Variants in COL4A4 observed in about 807,000 individuals in gnomAD.
The protein encoded by COL4A4 is collagen alpha-4(IV) chain.
COL4A4 carries 105 observed loss-of-function variants against 192.9 expected under a neutral mutation model. The observed-to-expected ratio is 0.54, with a 90% CI of 0.46 to 0.64. COL4A4 has a LOEUF of 0.64. Among genes scored for constraint, COL4A4 ranks in the 30% least tolerant of loss-of-function variants. The pLI, the probability that COL4A4 is intolerant of heterozygous loss-of-function variation, is 0.00. For synonymous variants in COL4A4, 762 were observed against 769.9 expected (o/e 0.99, Z 0.17); for missense variants, 1,967 against 2,169.3 (o/e 0.91, Z 1.85).
At chr2:227,158,373 T>C (rs906380751) in intron 1 of COL4A4, among the ~76,000 whole-genome samples, 2 of 152,088 alleles carry the variant, frequency 1.3e-5, no homozygotes, top group African/African-American at 4.8e-5. Context: ...GTAACAATAC[T>C]ACACAAGAAG....
chr2:227,059,499 T>C lies in COL4A4; in HGVS notation c.2289A>G (p.Ala763=), dbSNP rs2150274879. 15 of 1,614,028 alleles carry C rather than the reference T, an allele frequency of 9.3e-6. No individual in the cohort carries two copies. In the African/African-American group the frequency reaches 9.3e-5, roughly 10 times the overall value. ...NGQKGIPGDP[A]FGHLGPPGKR... is the part of the protein sequence containing the mutation. ...TTCCCGGGGGTCCCAGGTGACCAAA[T>C]GCAGGGTCTCCCGGGATTCCTTTCT... Residue 763 remains alanine (A), a synonymous_variant, in exon 28 of 48, where the codon GCA becomes GCG. Transcript: ENST00000396625.
At chr2:227,066,573 A>G (rs1415686790) in intron 25 of COL4A4, among the ~76,000 whole-genome samples, 1 of 152,082 alleles carries the variant, frequency 6.6e-6, no homozygotes, top group Non-Finnish European at 1.5e-5. Context: ...AACATTCTCA[A>G]AGAAAAGAAT....
intron 44 of COL4A4, among the ~76,000 whole-genome samples, chr2:227,020,833 G>A (rs988700802): frequency 2.0e-5 from 3 of 150,792 alleles, no homozygotes; most frequent in Non-Finnish European, 2.9e-5. Context: ...ACCCAATGCA[G>A]TGGGGATATG....
At chr2:227,088,846 A>G in intron 21 of COL4A4, 30 bp from the exon 22 acceptor site, 1 of 1,613,186 alleles carries the variant, frequency 6.2e-7, no homozygotes, top group East Asian at 2.2e-5. Flanking sequence ...CAGATTTGTC[A>G]TATTTCCTGA....
At chr2:226,985,445 G>A in the COL4A4 span, among the ~76,000 whole-genome samples, 19 of 152,224 alleles carry the variant, frequency 1.2e-4, no homozygotes, top group Non-Finnish European at 2.5e-4. Flanking sequence ...TTCTGCTTAC[G>A]ATGCGGAATG....
the COL4A4 span, among the ~76,000 whole-genome samples, chr2:226,979,792 A>G: frequency 6.6e-6 from 1 of 152,192 alleles, no homozygotes; most frequent in African/African-American, 2.4e-5. Flanking sequence ...TTCACCAGCC[A>G]TCTAGTCATC....
At chr2:227,028,106 C>A in intron 41 of COL4A4, 97 bp from the exon 42 acceptor site, 1 of 886,986 alleles carries the variant, frequency 1.1e-6, no homozygotes, top group South Asian at 1.5e-5. Context: ...TTCACTCCAA[C>A]AAAATGCAGG....
chr2:227,147,416 G>T lies in COL4A4; in HGVS notation c.68C>A (p.Pro23His), dbSNP rs1284248647. ...CAATCACACTGAGGATACTCACCAG[G>T]GACCTGTGGCCAAGGACTTGGTCAA... ...FRLTKSLATG[P>H]WSLILILFSV... The change falls in exon 2 of 48, where the codon CCC (proline) becomes CAC (histidine). Residue 23 changes from proline to histidine, a missense_variant. By Grantham distance (77) the Pro-to-His change is moderately conservative. Transcript: ENST00000396625. The T allele has an allele frequency of 6.2e-7, 1 of 1,613,352 alleles. No individual in the cohort carries two copies. The highest frequency in any genetic ancestry group is 1.7e-5 in the Admixed American group (1 of 60,008).
At chr2:227,084,165 T>C (rs1354242058) in intron 22 of COL4A4, among the ~76,000 whole-genome samples, 3 of 152,196 alleles carry the variant, frequency 2.0e-5, no homozygotes, top group African/African-American at 7.2e-5. Flanking sequence ...TCTTTTATTC[T>C]TATTTTTACT....
the COL4A4 span, among the ~76,000 whole-genome samples, chr2:226,978,050 C>G: frequency 6.6e-5 from 10 of 152,118 alleles, no homozygotes; most frequent in Non-Finnish European, 1.5e-4. Flanking sequence ...GTGTAGTGTC[C>G]TCACTGGAGC....
At chr2:227,155,091 G>A (rs937354165) in intron 1 of COL4A4, among the ~76,000 whole-genome samples, 5 of 152,206 alleles carry the variant, frequency 3.3e-5, no homozygotes, top group African/African-American at 1.2e-4. Flanking sequence ...GAAGCAGCAA[G>A]GAAAACTGGA....
chr2:227,148,051 A>AT (rs1201944460), intron 1 of COL4A4, among the ~76,000 whole-genome samples: 1 of 152,160 alleles, frequency 6.6e-6, no homozygotes, highest in Non-Finnish European at 1.5e-5. Context: ...ATATAAAAGT[A>AT]TTTTTATGTA....
intron 43 of COL4A4, among the ~76,000 whole-genome samples, chr2:227,023,090 T>C (rs533072657): frequency 3.9e-5 from 6 of 152,238 alleles, no homozygotes; most frequent in African/African-American, 1.2e-4. Flanking sequence ...GAGGGGGCCA[T>C]GTACATCTCT....
Position 227,003,330 on chromosome 2 carries a change from A to G in COL4A4, c.*3995T>C, listed in dbSNP as rs777160176. On this transcript the variant is annotated 3_prime_UTR_variant, in exon 48 of 48. Coordinates refer to ENST00000396625, the MANE Select transcript of COL4A4 (RefSeq NM_000092.5). ...GACAGGTAATCTAACTTAATTTTCA[A>G]TGCAAGAGTAGCTGTTATGTCCCAC... The G allele has an allele frequency of 1.3e-5, 2 of 152,212 alleles. No homozygotes were observed. The highest frequency in any genetic ancestry group is 6.5e-5 in the Admixed American group (1 of 15,284). The allele number at this position is 152,212 out of a possible 1,614,324, so 9.4% of individuals were successfully genotyped here.
chr2:227,041,805 GAA>G (rs1971120254), intron 37 of COL4A4, among the ~76,000 whole-genome samples: 45 of 39,342 alleles, frequency 1.1e-3, no homozygotes, highest in Admixed American at 3.0e-3. Flanking sequence ...AGAAAGAAAG[GAA>G]GAAAGAAAGA....
Position 227,098,752 on chromosome 2 carries a change from C to A in COL4A4, c.1146G>T (p.Gly382=). Residue 382 remains glycine (G), a synonymous_variant, in exon 19 of 48, where the codon GGG becomes GGT. Coordinates refer to ENST00000396625, the MANE Select transcript of COL4A4 (RefSeq NM_000092.5). ...PGFPGRYGET[G]DVGPPGPPGL... ...CTGGGGGACCAGGTGGTCCAACATC[C>A]CCTGTTTCTCCATAGCGGCCAGGGA... 6.2e-7 allele frequency: 1 copy of A among 1,614,098 alleles called. No individual in the cohort carries two copies. Among genetic ancestry groups the A allele is most frequent in the Non-Finnish European group, 8.5e-7 (1 of 1,179,988 alleles).
At position 227,116,350 on chromosome 2, in the gene COL4A4, T is replaced by A. The variant is rs2061493308; in HGVS notation, c.490-1654A>T. 2.0e-5 allele frequency among the ~76,000 whole-genome samples: 3 copies of A among 152,182 alleles called. No individual in the cohort carries two copies. In the South Asian group the frequency reaches 6.2e-4, roughly 32 times the overall value. On this transcript the variant is annotated intron_variant, in intron 7 of 47. Transcript: ENST00000396625. Reference sequence around the variant, plus strand: ...TTAAGATCAGAAGGATCCATTTCTATGTTGATCCAAAGAACATCTCTGGGA... The same window carrying A: ...TTAAGATCAGAAGGATCCATTTCTAAGTTGATCCAAAGAACATCTCTGGGA...
At chr2:227,065,055 C>T (rs1446190769) in intron 25 of COL4A4, among the ~76,000 whole-genome samples, 1 of 152,156 alleles carries the variant, frequency 6.6e-6, no homozygotes, top group African/African-American at 2.4e-5. Context: ...CGAAGCAGGG[C>T]GAGGCATTGC....
chr2:227,055,964 A>T lies in COL4A4; in HGVS notation c.2697T>A (p.Pro899=). Residue 899 remains proline, a synonymous_variant, in exon 30 of 48, where the codon CCT becomes CCA. Transcript: ENST00000396625. The stretch of plus-strand genomic sequence containing the variant: ...ACCTACCCTTTGGACCTGGAGGACC[A>T]GGTAGCCCATCATCTCCAAAGGGAC... ...IPGPFGDDGL[P]GPPGPKGPRG... is the part of the protein sequence containing the mutation. The T allele has an allele frequency of 6.2e-7, 1 of 1,614,058 alleles. No homozygotes were observed. The highest frequency in any genetic ancestry group is 8.5e-7 in the Non-Finnish European group (1 of 1,179,986).
Sources: gnomAD v4.1 joint callset for allele counts (sites outside exome capture counted in the v4.1 genomes callset) on GRCh38, gnomAD v4.1.1 for gene constraint, MANE v1.5 for transcripts, NCBI Gene and HGNC (gene_info 2026-07-23, HGNC 2026-07-21) for gene names.